RORA: variants seen among roughly 807,000 people sequenced by gnomAD.
RORA encodes RAR related orphan receptor A, also known as nuclear receptor ROR-alpha.
RORA carries 7 observed loss-of-function variants against 69.5 expected under a neutral mutation model. The ratio of observed to expected loss-of-function variants is 0.10; its 90% CI spans 0.06 to 0.19. The LOEUF is 0.19. Ranked by LOEUF, RORA falls within the 10% of genes least tolerant of loss-of-function variation. The probability of loss-of-function intolerance (pLI) is 1.00; values close to 1 mark genes in which losing one functional copy is unlikely to be tolerated. For synonymous variants in RORA, 261 were observed against 240.8 expected (o/e 1.08, Z -0.78); for missense variants, 457 against 663.0 (o/e 0.69, Z 3.41).
intron 1 of RORA, among the ~76,000 whole-genome samples, chr15:61,202,285 C>G (rs978090117): frequency 2.6e-5 from 4 of 152,178 alleles, no homozygotes; most frequent in African/African-American, 9.6e-5. Context: ...GCTGGGATTA[C>G]AGGCATGAGA....
chr15:60,939,037 C>T (rs1892609822), intron 1 of RORA, among the ~76,000 whole-genome samples: 2 of 152,194 alleles, frequency 1.3e-5, no homozygotes, highest in Non-Finnish European at 2.9e-5. Flanking sequence ...GGCCATTGCT[C>T]GTTGGTCCAT....
chr15:60,983,795 T>C (rs1002128530), intron 1 of RORA, among the ~76,000 whole-genome samples: 21 of 152,332 alleles, frequency 1.4e-4, no homozygotes, highest in African/African-American at 4.8e-4. Context: ...ATTGATGTCT[T>C]ATGTCTCCCT....
intron 1 of RORA, among the ~76,000 whole-genome samples, chr15:60,836,401 C>T (rs1026381995): frequency 1.3e-5 from 2 of 152,132 alleles, no homozygotes; most frequent in East Asian, 1.9e-4. Context: ...TTGAATTTCT[C>T]GGACCATTCT....
intron 1 of RORA, among the ~76,000 whole-genome samples, chr15:61,151,949 G>A (rs1445017709): frequency 1.3e-5 from 2 of 152,132 alleles, no homozygotes; most frequent in Non-Finnish European, 2.9e-5. Context: ...CACAAAGAGG[G>A]CCCACTGTGC....
chr15:60,592,794 G>A (rs140795758), intron 2 of RORA: 2 of 666,536 alleles, frequency 3.0e-6, no homozygotes, highest in Non-Finnish European at 4.5e-6. Context: ...CCTTCCCCTC[G>A]CCTTCGGGAT....
intron 1 of RORA, among the ~76,000 whole-genome samples, chr15:61,193,433 G>A (rs2079818986): frequency 6.6e-6 from 1 of 152,120 alleles, no homozygotes; most frequent in African/African-American, 2.4e-5. Flanking sequence ...TATAGAAAAA[G>A]TTAGACTTTT....
At chr15:60,736,463 C>T (rs972620318) in intron 1 of RORA, among the ~76,000 whole-genome samples, 3 of 152,170 alleles carry the variant, frequency 2.0e-5, no homozygotes, top group African/African-American at 4.8e-5. Flanking sequence ...GGCCAGCATT[C>T]GGTTTAAGAC....
rs2065059564 is a variant in RORA at position 60,492,470 on chromosome 15, AGAG to A, written c.*4982_*4984del. 1 of 152,282 alleles carries A rather than the reference AGAG, an allele frequency of 6.6e-6. No individual in the cohort carries two copies. The highest frequency in any genetic ancestry group is 1.5e-5 in the Non-Finnish European group (1 of 68,002). 9.4% of individuals were successfully genotyped at this position (152,282 alleles called of 1,614,324 possible). ...ATGAAGGAATTTTTGGTTTGCTTCT[AGAG>A]GAGAACCCATGAAAACAATAGTTAA... On this transcript the variant is annotated 3_prime_UTR_variant, in exon 11 of 11. Transcript: ENST00000335670.
chr15:60,978,350 A>T (rs995470880), intron 1 of RORA, among the ~76,000 whole-genome samples: 1 of 152,030 alleles, frequency 6.6e-6, no homozygotes, highest in African/African-American at 2.4e-5. Context: ...TGCCTATTTT[A>T]TTTTAATTTA....
chr15:61,037,645 T>C (rs1234690283), intron 1 of RORA, among the ~76,000 whole-genome samples: 1 of 152,206 alleles, frequency 6.6e-6, no homozygotes, highest in Non-Finnish European at 1.5e-5. Flanking sequence ...GAGCATTTAT[T>C]GAACCCTTGT....
intron 1 of RORA, among the ~76,000 whole-genome samples, chr15:60,687,458 T>G (rs917055490): frequency 1.3e-5 from 2 of 152,194 alleles, no homozygotes; most frequent in African/African-American, 4.8e-5. Context: ...GATTGGTGAT[T>G]GCTGGATAAA....
At chr15:60,625,039 C>T (rs75656878) in intron 2 of RORA, among the ~76,000 whole-genome samples, 3,665 of 152,260 alleles carry the variant, frequency 0.024, 60 homozygotes, top group Non-Finnish European at 0.037. Flanking sequence ...AACTACTTTT[C>T]TTCGTTTGCA....
chr15:60,657,575 C>A (rs1338644577), intron 2 of RORA, among the ~76,000 whole-genome samples: 2 of 152,184 alleles, frequency 1.3e-5, no homozygotes, highest in Admixed American at 1.3e-4. Context: ...GCTATGCCAG[C>A]GTGCAGACCC....
At chr15:61,183,038 G>C (rs1037569246) in intron 1 of RORA, 1 of 152,276 alleles carries the variant, frequency 6.6e-6, no homozygotes, top group Admixed American at 6.5e-5. Flanking sequence ...TGGAATCCTA[G>C]AACAGAGAAA....
chr15:60,516,450 A>G (rs2065962346), intron 3 of RORA, among the ~76,000 whole-genome samples: 1 of 148,994 alleles, frequency 6.7e-6, no homozygotes, highest in Non-Finnish European at 1.5e-5. Flanking sequence ...ATGTATGCAG[A>G]AAAAAAATAA....
At chr15:60,781,458 C>T (rs116902818) in intron 1 of RORA, among the ~76,000 whole-genome samples, 1,726 of 152,270 alleles carry the variant, frequency 0.011, 23 homozygotes, top group Non-Finnish European at 0.019. Context: ...GCCTGCTTAC[C>T]AGTGTTTCAG....
intron 1 of RORA, among the ~76,000 whole-genome samples, chr15:61,141,812 C>T (rs1210998135): frequency 1.3e-5 from 2 of 152,176 alleles, no homozygotes; most frequent in Admixed American, 6.5e-5. Flanking sequence ...ACAAACAGGT[C>T]GACTGCAGGA....
intron 1 of RORA, among the ~76,000 whole-genome samples, chr15:60,987,414 G>C (rs921281373): frequency 6.6e-6 from 1 of 152,144 alleles, no homozygotes; most frequent in African/African-American, 2.4e-5. Context: ...TGGACTTCGA[G>C]GTTGACCAGA....
At chr15:61,008,203 C>CTG (rs10581853) in intron 1 of RORA, among the ~76,000 whole-genome samples, 3,114 of 135,064 alleles carry the variant, frequency 0.023, 74 homozygotes, top group African/African-American at 0.068. Context: ...CTCTCTCTCT[C>CTG]TGTGTGTGTG....
Sources: gnomAD v4.1 joint callset for allele counts (sites outside exome capture counted in the v4.1 genomes callset) on GRCh38, gnomAD v4.1.1 for gene constraint, MANE v1.5 for transcripts, NCBI Gene and HGNC (gene_info 2026-07-23, HGNC 2026-07-21) for gene names.